Variants in PTPRO observed in about 807,000 individuals in gnomAD.
PTPRO encodes the protein protein tyrosine phosphatase receptor type O, also known as receptor-type tyrosine-protein phosphatase O.
A neutral mutation model predicts 145.2 loss-of-function variants in PTPRO; 62 were observed. That is an observed-to-expected ratio of 0.43 (90% confidence interval 0.35 to 0.53). The LOEUF (loss-of-function observed/expected upper bound fraction) is 0.53. Among genes scored for constraint, PTPRO ranks in the 20% least tolerant of loss-of-function variants. The pLI, the probability that PTPRO is intolerant of heterozygous loss-of-function variation, is 0.01. For synonymous variants in PTPRO, 565 were observed against 514.7 expected (o/e 1.10, Z -1.32); for missense variants, 1,345 against 1,482.7 (o/e 0.91, Z 1.53).
chr12:15,565,437 C>T (rs933261795), intron 17 of PTPRO, 156 bp from the exon 18 acceptor site: 3 of 541,758 alleles, frequency 5.5e-6, no homozygotes, highest in Non-Finnish European at 1.0e-5. Context: ...ATTATCTTCT[C>T]ATGTAAGGAA....
At chr12:15,584,041 C>G (rs1227992314) in intron 23 of PTPRO, among the ~76,000 whole-genome samples, 1 of 152,180 alleles carries the variant, frequency 6.6e-6, no homozygotes, top group African/African-American at 2.4e-5. Context: ...GGCGTCTTCT[C>G]TGGGCTTGGA....
chr12:15,476,230 T>G (rs1363667631), intron 1 of PTPRO, among the ~76,000 whole-genome samples: 1 of 152,100 alleles, frequency 6.6e-6, no homozygotes, highest in African/African-American at 2.4e-5. Flanking sequence ...GGGAAGATGA[T>G]GAGGCAGGAG....
intron 25 of PTPRO, among the ~76,000 whole-genome samples, chr12:15,593,258 A>G (rs1944590114): frequency 1.3e-5 from 2 of 152,224 alleles, no homozygotes; most frequent in South Asian, 4.1e-4. Flanking sequence ...TGTTCGAAAT[A>G]TTAATTTTGT....
At chr12:15,539,651 G>A (rs10846196) in intron 12 of PTPRO, among the ~76,000 whole-genome samples, 51,193 of 150,254 alleles carry the variant, frequency 0.34, 8,837 homozygotes, top group Middle Eastern at 0.47. Flanking sequence ...AATTCCAGCT[G>A]CTCAGGAGGC....
At chr12:15,450,200 C>G (rs1302452519) in intron 1 of PTPRO, among the ~76,000 whole-genome samples, 2 of 152,122 alleles carry the variant, frequency 1.3e-5, no homozygotes, top group Non-Finnish European at 2.9e-5. Context: ...GAAATTCCCT[C>G]TAAAATTGAA....
intron 1 of PTPRO, among the ~76,000 whole-genome samples, chr12:15,450,676 G>A (rs889223304): frequency 2.6e-5 from 4 of 152,062 alleles, no homozygotes; most frequent in African/African-American, 9.7e-5. Flanking sequence ...GGGAGGCTGG[G>A]GTGGGAGGAT....
At chr12:15,516,509 GAAAGAAAGA>G (rs1942595861) in intron 8 of PTPRO, among the ~76,000 whole-genome samples, 1 of 78,946 alleles carries the variant, frequency 1.3e-5, no homozygotes, top group Non-Finnish European at 2.8e-5. Context: ...AGAAAAGAAA[GAAAGAAAGA>G]AAAAGAAAAG....
At chr12:15,449,939 G>C (rs920816875) in intron 1 of PTPRO, among the ~76,000 whole-genome samples, 3 of 152,036 alleles carry the variant, frequency 2.0e-5, no homozygotes, top group African/African-American at 7.2e-5. Context: ...TACCTCCAAG[G>C]CTCCTTTTAA....
intron 3 of PTPRO, among the ~76,000 whole-genome samples, chr12:15,498,785 A>C (rs1360983254): frequency 6.6e-6 from 1 of 152,200 alleles, no homozygotes; most frequent in Admixed American, 6.5e-5. Flanking sequence ...AACAATCATA[A>C]ATTTTAAAAT....
At chr12:15,571,814 G>A (rs1944058121) in intron 19 of PTPRO, among the ~76,000 whole-genome samples, 1 of 152,188 alleles carries the variant, frequency 6.6e-6, no homozygotes, top group South Asian at 2.1e-4. Flanking sequence ...GTGGGCTCAA[G>A]TAGCAAAACC....
chr12:15,507,536 G>A (rs1274509943), intron 6 of PTPRO, among the ~76,000 whole-genome samples: 1 of 152,174 alleles, frequency 6.6e-6, no homozygotes, highest in Non-Finnish European at 1.5e-5. Flanking sequence ...GTTTATATGT[G>A]AGCATCCGTG....
chr12:15,427,154 A>G (rs907959316), intron 1 of PTPRO, among the ~76,000 whole-genome samples: 1 of 152,000 alleles, frequency 6.6e-6, no homozygotes, highest in Non-Finnish European at 1.5e-5. Flanking sequence ...AGACAAAAAG[A>G]ATTAGGCCAT....
At chr12:15,564,384 G>A (rs112729763) in intron 17 of PTPRO, among the ~76,000 whole-genome samples, 118 of 152,298 alleles carry the variant, frequency 7.7e-4, no homozygotes, top group Non-Finnish European at 1.2e-3. Context: ...AATTCAGAGG[G>A]TAACATGGCA....
At chr12:15,550,779 T>C (rs1943435761) in intron 14 of PTPRO, among the ~76,000 whole-genome samples, 1 of 152,174 alleles carries the variant, frequency 6.6e-6, no homozygotes, top group Non-Finnish European at 1.5e-5. Context: ...CAAAAGATGG[T>C]ATGAGTCCTC....
intron 1 of PTPRO, among the ~76,000 whole-genome samples, chr12:15,361,935 A>T (rs544621418): frequency 1.1e-3 from 166 of 152,314 alleles, no homozygotes; most frequent in Non-Finnish European, 1.3e-3. Flanking sequence ...TAGACTTGTC[A>T]GCTTTCCAGG....
intron 12 of PTPRO, among the ~76,000 whole-genome samples, chr12:15,545,488 G>T (rs1384599058): frequency 6.6e-6 from 1 of 150,668 alleles, no homozygotes; most frequent in Admixed American, 6.6e-5. Context: ...ACAAGCAGAA[G>T]ACCAGGAGAC....
At chr12:15,545,469 G>T (rs779420069) in intron 12 of PTPRO, among the ~76,000 whole-genome samples, 2 of 150,616 alleles carry the variant, frequency 1.3e-5, no homozygotes, top group Non-Finnish European at 2.9e-5. Context: ...ACATCCAAAA[G>T]ACAGGGTCAC....
At chr12:15,517,644 G>C (rs1454039693) in intron 9 of PTPRO, among the ~76,000 whole-genome samples, 1 of 152,186 alleles carries the variant, frequency 6.6e-6, no homozygotes, top group Non-Finnish European at 1.5e-5. Context: ...TGACACAGCT[G>C]TTCCAAATGG....
At chr12:15,471,120 T>C (rs894512438) in intron 1 of PTPRO, among the ~76,000 whole-genome samples, 1 of 152,144 alleles carries the variant, frequency 6.6e-6, no homozygotes, top group Non-Finnish European at 1.5e-5. Context: ...TTTGAAACCA[T>C]AAAGAATGTA....
Sources: gnomAD v4.1 joint callset for allele counts (sites outside exome capture counted in the v4.1 genomes callset) on GRCh38, gnomAD v4.1.1 for gene constraint, MANE v1.5 for transcripts, NCBI Gene and HGNC (gene_info 2026-07-23, HGNC 2026-07-21) for gene names.